The following PLA2G2F variants were observed in gnomAD, a reference collection of about 807,000 sequenced individuals.
PLA2G2F encodes phospholipase A2 group IIF, also known as group IIF secretory phospholipase A2.
A neutral mutation model predicts 15.9 loss-of-function variants in PLA2G2F; 17 were observed. The observed-to-expected ratio is 1.07, with a 90% CI of 0.73 to 1.60. PLA2G2F has a LOEUF of 1.60. Ranked by LOEUF, PLA2G2F falls within the 40% of genes most tolerant of loss-of-function variation. PLA2G2F has a pLI of 0.00. For missense variants in PLA2G2F, 299 were observed against 278.2 expected (o/e 1.07, Z -0.53); for synonymous variants, 119 against 106.5 (o/e 1.12, Z -0.72).
chr1:20,139,469 G>C lies in PLA2G2F; in HGVS notation c.42G>C (p.Lys14Asn). 1 of 1,580,478 alleles carries C rather than the reference G, an allele frequency of 6.3e-7. No homozygotes were observed. Among genetic ancestry groups the C allele is most frequent in the Non-Finnish European group, 8.6e-7 (1 of 1,161,848 alleles). Residue 14 changes from lysine to asparagine, a missense_variant, in exon 1 of 5, where the codon AAG (lysine) becomes AAC (asparagine). Transcript: ENST00000375102. The stretch of plus-strand genomic sequence containing the variant: ...AGGCCAACCCCAAAGGGTTCAAAAA[G>C]AAGGTGCTGGATAGATGCTTCTCTG... ...GAKANPKGFK[K>N]KVLDRCFSGW...
At chr1:20,142,103 T>C (rs2017485637) in intron 2 of PLA2G2F, 1 of 152,304 alleles carries the variant, frequency 6.6e-6, no homozygotes, top group Non-Finnish European at 1.5e-5. Flanking sequence ...CTGAAACCGT[T>C]GGCTTTCCCC....
chr1:20,140,464 T>G, intron 2 of PLA2G2F: 1 of 504,832 alleles, frequency 2.0e-6, no homozygotes, highest in Non-Finnish European at 3.6e-6. Flanking sequence ...CATCGTAAAA[T>G]GCTGGTGTTG....
At position 20,140,158 on chromosome 1, in the gene PLA2G2F, T is replaced by C; in HGVS notation, c.117-8T>C. ...TGGACTCAAGCTCCGGGTTTCGTCC[T>C]CCCTCAGGTCTAGCCTGGGTATGAA... On this transcript the variant is annotated splice_region_variant and splice_polypyrimidine_tract_variant and intron_variant, in intron 1 of 4. Coordinates refer to ENST00000375102, the MANE Select transcript of PLA2G2F (RefSeq NM_022819.4). The C allele has an allele frequency of 6.2e-7, 1 of 1,613,600 alleles. No individual in the cohort carries two copies. Among genetic ancestry groups the C allele is most frequent in the African/African-American group, 1.3e-5 (1 of 75,032 alleles).
chr1:20,148,483 C>A lies in PLA2G2F; in HGVS notation c.*82C>A. On this transcript the variant is annotated 3_prime_UTR_variant, in exon 5 of 5. Transcript: ENST00000375102. The stretch of plus-strand genomic sequence containing the variant: ...AGGTGCAGGGAGGGTAGGAGCCAGG[C>A]CAGGAGCCTGAGGGTTGCTGGTTGC... 1 of 1,221,390 alleles carries A rather than the reference C, an allele frequency of 8.2e-7. No individual in the cohort carries two copies. The highest frequency in any genetic ancestry group is 1.2e-6 in the Non-Finnish European group (1 of 853,714). The allele number at this position is 1,221,390 out of a possible 1,614,324, so 75.7% of individuals were successfully genotyped here.
At chr1:20,141,338 A>G (rs774251593) in intron 2 of PLA2G2F, 3 of 152,284 alleles carry the variant, frequency 2.0e-5, no homozygotes, top group Non-Finnish European at 4.4e-5. Context: ...TCATGTATGT[A>G]TGGGTGAGTG....
In PLA2G2F at chr1:20,143,115, G is replaced by A. The variant is rs1201055874; in HGVS notation, c.170-331G>A. On this transcript the variant is annotated intron_variant, in intron 2 of 4. Coordinates refer to ENST00000375102, the MANE Select transcript of PLA2G2F (RefSeq NM_022819.4). ...CAGAGGCATAACAAGAGCATGCAGG[G>A]GGTTGCAGTGAGCACTCAATGGATT... 1.7e-5 allele frequency: 4 copies of A among 233,384 alleles called. No homozygotes were observed. The East Asian group carries it at 3.6e-4, about 21-fold the overall frequency. The allele number at this position is 233,384 out of a possible 1,614,324, so 14.5% of individuals were successfully genotyped here.
At chr1:20,144,290 TG>T (rs2017539845) in intron 3 of PLA2G2F, among the ~76,000 whole-genome samples, 1 of 152,084 alleles carries the variant, frequency 6.6e-6, no homozygotes, top group African/African-American at 2.4e-5. Flanking sequence ...GCCGGGGCTC[TG>T]GGGGAAAGCT....
Position 20,150,177 on chromosome 1 carries a change from G to C in PLA2G2F, c.*1776G>C, listed in dbSNP as rs978905893. 5 of 152,138 alleles carry C rather than the reference G, an allele frequency of 3.3e-5. No homozygotes were observed. Among genetic ancestry groups the C allele is most frequent in the African/African-American group, 1.2e-4 (5 of 41,318 alleles). 9.4% of individuals were successfully genotyped at this position (152,138 alleles called of 1,614,324 possible). ...TGGTTCTCCGGCTTGGGGGAACGCA[G>C]GTTCCCAGCTGCGCCCCTCCCCCGC... is the stretch of plus-strand genomic sequence containing the variant. On this transcript the variant is annotated 3_prime_UTR_variant, in exon 5 of 5. Coordinates refer to ENST00000375102, the MANE Select transcript of PLA2G2F (RefSeq NM_022819.4).
At chr1:20,143,340 A>T in intron 2 of PLA2G2F, 106 bp from the exon 3 acceptor site, 1 of 1,386,976 alleles carries the variant, frequency 7.2e-7, no homozygotes, top group Admixed American at 2.1e-5. Context: ...TCTCCCACCT[A>T]CCCTAGGTAT....
Position 20,143,511 on chromosome 1 carries a change from A to G in PLA2G2F, c.235A>G (p.Ser79Gly), listed in dbSNP as rs1193716154. The part of the protein sequence containing the change: ...KAMVEAVTGR[S>G]AILSFVGYGC... The stretch of plus-strand genomic sequence containing the variant: ...CATGGTGGAGGCCGTCACAGGGAGG[A>G]GCGCCATCCTGTCCTTCGTGGGCTA... The change falls in exon 3 of 5, where the codon AGC becomes GGC. Residue 79 changes from serine to glycine, a missense_variant. Ser to Gly is a moderately conservative substitution (Grantham distance 56). Coordinates refer to ENST00000375102, the MANE Select transcript of PLA2G2F (RefSeq NM_022819.4). 1.9e-6 allele frequency: 3 copies of G among 1,613,854 alleles called. No homozygotes were observed. The highest frequency in any genetic ancestry group is 2.5e-6 in the Non-Finnish European group (3 of 1,179,914).
At position 20,148,356 on chromosome 1, in the gene PLA2G2F, GGT is replaced by G. The variant is rs2017656154; in HGVS notation, c.592_593del (p.Val198HisfsTer58). ...CSIYEPPPEE[V>X]TCSHQSPAPP... is the part of the protein sequence containing the mutation. ...GCATCTATGAACCGCCCCCTGAGGAGGTCACCTGCAGTCACCAATCCCCAGCG... is the reference window on the plus strand; with the variant it reads ...GCATCTATGAACCGCCCCCTGAGGAGCACCTGCAGTCACCAATCCCCAGCG... On this transcript the variant is annotated frameshift_variant, in exon 5 of 5. Coordinates refer to ENST00000375102, the MANE Select transcript of PLA2G2F (RefSeq NM_022819.4). LOFTEE classifies it low-confidence loss of function (END_TRUNC). 6.2e-7 allele frequency: 1 copy of G among 1,614,032 alleles called. No homozygotes were observed. The highest frequency in any genetic ancestry group is 2.2e-5 in the East Asian group (1 of 44,872).
At position 20,143,483 on chromosome 1, in the gene PLA2G2F, G is replaced by T; in HGVS notation, c.207G>T (p.Lys69Asn). The T allele has an allele frequency of 6.2e-7, 1 of 1,614,082 alleles. No homozygotes were observed. The highest frequency in any genetic ancestry group is 8.5e-7 in the Non-Finnish European group (1 of 1,179,974). Residue 69 changes from lysine (K) to asparagine (N), a missense_variant, in exon 3 of 5, where the codon AAG (lysine) becomes AAT (asparagine). By Grantham distance (94) the Lys-to-Asn change is moderately conservative. Transcript: ENST00000375102. ...CTCACGGCAGCCTGCTCAACCTGAA[G>T]GCCATGGTGGAGGCCGTCACAGGGA... Reference protein sequence around the residue: ...STAHGSLLNLKAMVEAVTGRS... With the variant: ...STAHGSLLNLNAMVEAVTGRS...
intron 4 of PLA2G2F, among the ~76,000 whole-genome samples, chr1:20,147,494 G>A (rs927735962): frequency 3.3e-5 from 5 of 151,322 alleles, no homozygotes; most frequent in African/African-American, 1.2e-4. Flanking sequence ...TGTTGCCCAG[G>A]CTGGAGTGCA....
intron 4 of PLA2G2F, among the ~76,000 whole-genome samples, chr1:20,146,686 T>C (rs11582551): frequency 0.27 from 41,222 of 152,096 alleles, 5,729 homozygotes; most frequent in South Asian, 0.33. Context: ...ACTCAAATCT[T>C]CTGTCATTGG....
chr1:20,143,312 T>C, intron 2 of PLA2G2F, 134 bp from the exon 3 acceptor site: 2 of 1,192,212 alleles, frequency 1.7e-6, no homozygotes, highest in Admixed American at 4.7e-5. Flanking sequence ...CAGCTTCCTC[T>C]CCTGCTTTCT....
At chr1:20,144,003 C>T (rs972478926) in intron 3 of PLA2G2F, 19 of 188,206 alleles carry the variant, frequency 1.0e-4, no homozygotes, top group Non-Finnish European at 2.0e-4. Flanking sequence ...GGCTTGTCTT[C>T]TGCTCCTATC....
chr1:20,148,363 T>G lies in PLA2G2F; in HGVS notation c.598T>G (p.Cys200Gly). 1 of 1,613,904 alleles carries G rather than the reference T, an allele frequency of 6.2e-7. No homozygotes were observed. The highest frequency in any genetic ancestry group is 8.5e-7 in the Non-Finnish European group (1 of 1,179,930). The change falls in exon 5 of 5, where the codon TGC (cysteine) becomes GGC (glycine). Residue 200 changes from cysteine to glycine, a missense_variant. Coordinates refer to ENST00000375102, the MANE Select transcript of PLA2G2F (RefSeq NM_022819.4). ...IYEPPPEEVT[C>G]SHQSPAPPAP... ...TGAACCGCCCCCTGAGGAGGTCACC[T>G]GCAGTCACCAATCCCCAGCGCCCCC...
chr1:20,143,056 C>T (rs2017507789), intron 2 of PLA2G2F: 3 of 161,488 alleles, frequency 1.9e-5, no homozygotes, highest in African/African-American at 7.2e-5. Flanking sequence ...GAGCAAGTTA[C>T]TAAATGCACT....
At position 20,148,335 on chromosome 1, in the gene PLA2G2F, C is replaced by A; in HGVS notation, c.570C>A (p.Ile190=). Reference sequence around the variant, plus strand: ...AGGGCCCCACGCCCAACTGCAGCATCTATGAACCGCCCCCTGAGGAGGTCA... The same window carrying A: ...AGGGCCCCACGCCCAACTGCAGCATATATGAACCGCCCCCTGAGGAGGTCA... ...YCQGPTPNCS[I]YEPPPEEVTC... is the part of the protein sequence containing the mutation. The change falls in exon 5 of 5, where the codon ATC becomes ATA. Residue 190 remains isoleucine, a synonymous_variant. Coordinates refer to ENST00000375102, the MANE Select transcript of PLA2G2F (RefSeq NM_022819.4). 1 of 1,614,100 alleles carries A rather than the reference C, an allele frequency of 6.2e-7. No individual in the cohort carries two copies. The highest frequency in any genetic ancestry group is 8.5e-7 in the Non-Finnish European group (1 of 1,180,006).
Sources: allele counts gnomAD v4.1 joint callset (sites outside exome capture counted in the v4.1 genomes callset), GRCh38; gene constraint gnomAD v4.1.1; transcripts MANE v1.5; gene names NCBI Gene and HGNC (gene_info 2026-07-23, HGNC 2026-07-21).